The following PLEKHG1 variants were observed in gnomAD, a reference collection of about 807,000 sequenced individuals.
PLEKHG1 encodes pleckstrin homology domain-containing family G member 1.
PLEKHG1 carries 44 observed loss-of-function variants against 100.8 expected under a neutral mutation model. The ratio of observed to expected loss-of-function variants is 0.44; its 90% CI spans 0.34 to 0.56. The LOEUF (loss-of-function observed/expected upper bound fraction) is 0.56. PLEKHG1 is among the 20% of genes least tolerant of loss of function. The pLI is 0.01. For synonymous variants in PLEKHG1, 640 were observed against 662.5 expected (o/e 0.97, Z 0.52); for missense variants, 1,545 against 1,720.9 (o/e 0.90, Z 1.81).
intron 3 of PLEKHG1, among the ~76,000 whole-genome samples, chr6:150,772,197 C>T (rs1021917064): frequency 1.3e-5 from 2 of 152,180 alleles, no homozygotes; most frequent in Non-Finnish European, 2.9e-5. Context: ...ACTAACACAA[C>T]ATCACTGAAC....
chr6:150,808,633 A>G (rs770153514), intron 7 of PLEKHG1, among the ~76,000 whole-genome samples: 1 of 152,122 alleles, frequency 6.6e-6, no homozygotes, highest in Non-Finnish European at 1.5e-5. Context: ...GGCACCTGTA[A>G]TCCCACCTAC....
chr6:150,774,684 G>A (rs1171774170), intron 3 of PLEKHG1, among the ~76,000 whole-genome samples: 1 of 151,692 alleles, frequency 6.6e-6, no homozygotes. Context: ...GGGACTACAG[G>A]CACAGGCCAC....
intron 1 of PLEKHG1, among the ~76,000 whole-genome samples, chr6:150,607,330 T>C (rs1776643130): frequency 6.6e-6 from 1 of 152,256 alleles, no homozygotes; most frequent in South Asian, 2.1e-4. Context: ...CAGCTTTCCA[T>C]GGCTGTGTGA....
rs193259966 is a variant in PLEKHG1, at chr6:150,648,884, T to C, written c.-157-1844T>C. 5.3e-5 allele frequency among the ~76,000 whole-genome samples: 8 copies of C among 152,300 alleles called. No individual in the cohort carries two copies. In the East Asian group the frequency reaches 1.5e-3, roughly 29 times the overall value. Reference sequence around the variant, plus strand: ...TATTCACAAGGATATTTTTATATAGTATTCATGATTTTTTTCATCTTTTCT... The same window carrying C: ...TATTCACAAGGATATTTTTATATAGCATTCATGATTTTTTTCATCTTTTCT... On this transcript the variant is annotated intron_variant, in intron 2 of 3. Transcript: ENST00000367326.
At chr6:150,607,760 T>C (rs947964037) in intron 1 of PLEKHG1, among the ~76,000 whole-genome samples, 3 of 152,188 alleles carry the variant, frequency 2.0e-5, no homozygotes, top group Non-Finnish European at 2.9e-5. Flanking sequence ...AGGGAATTTC[T>C]TGATGAGGAA....
intron 3 of PLEKHG1, among the ~76,000 whole-genome samples, chr6:150,656,971 C>G (rs1778995999): frequency 6.6e-6 from 1 of 152,102 alleles, no homozygotes; most frequent in African/African-American, 2.4e-5. Context: ...TCTTGTTGGG[C>G]TGACTCTGTG....
chr6:150,821,454 C>T (rs573559530), intron 13 of PLEKHG1, among the ~76,000 whole-genome samples: 4 of 152,266 alleles, frequency 2.6e-5, no homozygotes, highest in South Asian at 2.1e-4. Flanking sequence ...GAGGCCGAGG[C>T]GGGCGGCTCT....
At chr6:150,818,132 T>C in intron 10 of PLEKHG1, 51 bp from the exon 12 acceptor site, 1 of 1,456,606 alleles carries the variant, frequency 6.9e-7, no homozygotes, top group South Asian at 1.2e-5. Context: ...GATTTGGAGT[T>C]TAAAGAAAAA....
intron 3 of PLEKHG1, among the ~76,000 whole-genome samples, chr6:150,686,556 A>T (rs974271770): frequency 7.2e-5 from 11 of 152,316 alleles, no homozygotes; most frequent in Middle Eastern, 3.4e-3. Flanking sequence ...ATGATCACTC[A>T]TATAAAGGAG....
rs1464865015 is a variant in PLEKHG1 at position 150,722,354 on chromosome 6, T to C, written c.-99+1154T>C. On this transcript the variant is annotated intron_variant, in intron 1 of 15. Transcript: ENST00000358517. ...TTCTTTTTTCTTTTTCTTTTCTTTT[T>C]TTTTTTTTTTTTTTTTTGAGACTGA... is the stretch of plus-strand genomic sequence containing the variant. 2.8e-3 allele frequency among the ~76,000 whole-genome samples: 346 copies of C among 122,056 alleles called. 1 individual carries two copies. The highest frequency in any genetic ancestry group is 9.0e-3 in the African/African-American group (325 of 36,216). 80.1% of individuals were successfully genotyped at this position (122,056 alleles called of 152,430 possible).
chr6:150,619,976 G>T (rs992256945), intron 1 of PLEKHG1, among the ~76,000 whole-genome samples: 1 of 152,144 alleles, frequency 6.6e-6, no homozygotes, highest in East Asian at 1.9e-4. Flanking sequence ...GAATTAAGGA[G>T]AGTGTTTCCA....
intron 1 of PLEKHG1, among the ~76,000 whole-genome samples, chr6:150,724,140 A>T (rs1325024158): frequency 1.3e-5 from 2 of 152,238 alleles, no homozygotes; most frequent in Non-Finnish European, 2.9e-5. Context: ...ACCCTAGGGC[A>T]CTGGTATCCT....
At chr6:150,606,951 G>A (rs1776627068) in intron 1 of PLEKHG1, among the ~76,000 whole-genome samples, 1 of 152,044 alleles carries the variant, frequency 6.6e-6, no homozygotes, top group Non-Finnish European at 1.5e-5. Flanking sequence ...CACCCTGTCT[G>A]ACAGGGAGGG....
chr6:150,636,714 T>C (rs1289001333), intron 1 of PLEKHG1, among the ~76,000 whole-genome samples: 1 of 152,106 alleles, frequency 6.6e-6, no homozygotes, highest in Admixed American at 6.6e-5. Context: ...AAATATTCTC[T>C]GTTAGAAGTT....
At chr6:150,618,081 A>G (rs551058399) in intron 1 of PLEKHG1, among the ~76,000 whole-genome samples, 42 of 152,260 alleles carry the variant, frequency 2.8e-4, no homozygotes, top group Non-Finnish European at 5.7e-4. Context: ...ATTTGCAAAT[A>G]GTAATTTATA....
chr6:150,832,369 G>A (rs803410), intron 15 of PLEKHG1, among the ~76,000 whole-genome samples, 164 bp downstream of exon 16: 104,480 of 152,072 alleles, frequency 0.69, 36,123 homozygotes, highest in Non-Finnish European at 0.71. Context: ...TTCTCACATC[G>A]CCTCCTGTGA....
At chr6:150,833,649 C>A (rs1309288148) in intron 15 of PLEKHG1, among the ~76,000 whole-genome samples, 1 of 152,180 alleles carries the variant, frequency 6.6e-6, no homozygotes, top group Admixed American at 6.5e-5. Context: ...GCCTGAGGAG[C>A]TTTTACCTCC....
intron 2 of PLEKHG1, among the ~76,000 whole-genome samples, chr6:150,641,693 A>G (rs1778265554): frequency 6.6e-6 from 1 of 152,088 alleles, no homozygotes; most frequent in Non-Finnish European, 1.5e-5. Context: ...AGTAAGTGTA[A>G]AACGTTTTAT....
chr6:150,731,109 C>T (rs1384824271), intron 1 of PLEKHG1, among the ~76,000 whole-genome samples: 1 of 152,128 alleles, frequency 6.6e-6, no homozygotes, highest in African/African-American at 2.4e-5. Flanking sequence ...CCATGACTTT[C>T]TCAACACCAG....
Sources: allele counts gnomAD v4.1 joint callset (sites outside exome capture counted in the v4.1 genomes callset), GRCh38; gene constraint gnomAD v4.1.1; transcripts MANE v1.5; gene names NCBI Gene and HGNC (gene_info 2026-07-23, HGNC 2026-07-21).